Variants in EPC2 observed in about 807,000 individuals in gnomAD.
EPC2 encodes the protein enhancer of polycomb 2, also known as enhancer of polycomb homolog 2.
A neutral mutation model predicts 92.1 loss-of-function variants in EPC2; 14 were observed. The observed-to-expected ratio is 0.15, with a 90% confidence interval of 0.10 to 0.24. The LOEUF (loss-of-function observed/expected upper bound fraction) is 0.24, where lower values mean the gene tolerates loss of function less well. EPC2 is among the 10% of genes least tolerant of loss of function. The pLI is 1.00. For synonymous variants in EPC2, 340 were observed against 334.7 expected (o/e 1.02, Z -0.17); for missense variants, 755 against 971.5 (o/e 0.78, Z 2.96).
At chr2:148,672,776 A>G (rs1681181420) in intron 1 of EPC2, among the ~76,000 whole-genome samples, 1 of 152,100 alleles carries the variant, frequency 6.6e-6, no homozygotes, top group Non-Finnish European at 1.5e-5. Flanking sequence ...CTATATATTT[A>G]CTTTTACCTA....
chr2:148,756,506 C>G (rs1683193733), intron 4 of EPC2, among the ~76,000 whole-genome samples: 1 of 152,178 alleles, frequency 6.6e-6, no homozygotes, highest in South Asian at 2.1e-4. Flanking sequence ...GTAGTTGATG[C>G]AAAGGGTAAA....
chr2:148,781,914 T>C (rs1001894130), intron 11 of EPC2, 134 bp downstream of exon 11: 12 of 989,396 alleles, frequency 1.2e-5, no homozygotes, highest in Admixed American at 2.9e-5. Context: ...TGAATTTCTT[T>C]TCAGTTAATG....
chr2:148,733,479 ATTTTTTTTTTTTTT>A lies in EPC2; in HGVS notation c.314-10120_314-10107del, dbSNP rs34219179. On this transcript the variant is annotated intron_variant, in intron 2 of 13. Coordinates refer to ENST00000258484, the MANE Select transcript of EPC2 (RefSeq NM_015630.4). Reference sequence around the variant, plus strand: ...CTTTCTCTTTTCTTTCTCTCTCTGGATTTTTTTTTTTTTTTTTTTTTTTTTTTTTTTTTTTTGAT... The same window carrying A: ...CTTTCTCTTTTCTTTCTCTCTCTGGATTTTTTTTTTTTTTTTTTTTTTGAT... Among the ~76,000 whole-genome samples the A allele has an allele frequency of 3.4e-3, 92 of 26,676 alleles. 1 individual carries two copies. Among genetic ancestry groups the A allele is most frequent in the South Asian group, 0.031 (17 of 540 alleles). 17.5% of individuals were successfully genotyped at this position (26,676 alleles called of 152,430 possible).
At chr2:148,723,619 A>G (rs1001965578) in intron 2 of EPC2, among the ~76,000 whole-genome samples, 4 of 152,252 alleles carry the variant, frequency 2.6e-5, no homozygotes, top group Middle Eastern at 3.4e-3. Context: ...AGCCTTTTAT[A>G]TGTTGTTAAG....
At chr2:148,682,071 G>A (rs141390881) in intron 1 of EPC2, among the ~76,000 whole-genome samples, 3,946 of 152,218 alleles carry the variant, frequency 0.026, 57 homozygotes, top group East Asian at 0.032. Context: ...TTATGGCTGC[G>A]TAGTATTCTG....
chr2:148,721,729 T>TG (rs1682378231), intron 2 of EPC2, among the ~76,000 whole-genome samples: 1 of 134,518 alleles, frequency 7.4e-6, no homozygotes, highest in South Asian at 2.6e-4. Flanking sequence ...TTTTTTTTTT[T>TG]GCCTTGCTTT....
intron 1 of EPC2, among the ~76,000 whole-genome samples, chr2:148,671,718 T>G (rs1681158591): frequency 1.3e-5 from 2 of 152,200 alleles, no homozygotes; most frequent in Non-Finnish European, 2.9e-5. Context: ...ATTTACCTGG[T>G]AAACTTTTGT....
In EPC2 at chr2:148,769,162, A is replaced by G. The variant is rs56222730; in HGVS notation, c.1152A>G (p.Pro384=). The change falls in exon 8 of 14, where the codon CCA becomes CCG. Residue 384 remains proline (P), a synonymous_variant. Coordinates refer to ENST00000258484, the MANE Select transcript of EPC2 (RefSeq NM_015630.4). ...DEDEFPQVLS[P]VSEPEEENDP... The stretch of plus-strand genomic sequence containing the variant: ...CCTCTTTTGTCTAGGTATTGTCCCC[A>G]GTATCAGAACCGGAAGAAGAAAATG... The G allele has an allele frequency of 6.6e-4, 1,068 of 1,612,104 alleles. No individual in the cohort carries two copies. The highest frequency in any genetic ancestry group is 8.8e-4 in the Non-Finnish European group (1,041 of 1,178,948).
At chr2:148,645,393 G>T (rs545557469) in intron 1 of EPC2, 82 of 479,536 alleles carry the variant, frequency 1.7e-4, no homozygotes, top group African/African-American at 1.4e-3. Context: ...TTAGCTCGCA[G>T]CGCTGCTTAC....
At chr2:148,670,626 C>T (rs1393817105) in intron 1 of EPC2, among the ~76,000 whole-genome samples, 2 of 152,202 alleles carry the variant, frequency 1.3e-5, no homozygotes, top group East Asian at 1.9e-4. Context: ...GCATGTCAAA[C>T]GTGGTTCTAA....
At chr2:148,689,802 T>TA (rs1681608383) in intron 1 of EPC2, among the ~76,000 whole-genome samples, 1 of 152,236 alleles carries the variant, frequency 6.6e-6, no homozygotes, top group African/African-American at 2.4e-5. Context: ...TTTGTACTGT[T>TA]AAAGTTTGAA....
chr2:148,760,268 A>AAC (rs773300929), intron 4 of EPC2, among the ~76,000 whole-genome samples: 6 of 151,970 alleles, frequency 3.9e-5, no homozygotes, highest in East Asian at 1.9e-4. Context: ...CATACACACA[A>AAC]ACACACACAC....
intron 1 of EPC2, among the ~76,000 whole-genome samples, chr2:148,670,033 G>T (rs1189134260): frequency 1.3e-5 from 2 of 152,136 alleles, no homozygotes; most frequent in Non-Finnish European, 2.9e-5. Flanking sequence ...TCTCCGTGCA[G>T]TTCTTTTCCT....
chr2:148,731,169 G>C (rs920612872), intron 2 of EPC2, among the ~76,000 whole-genome samples: 1 of 152,140 alleles, frequency 6.6e-6, no homozygotes, highest in Non-Finnish European at 1.5e-5. Context: ...AGTGTTGGTT[G>C]TTACTGGATT....
intron 4 of EPC2, among the ~76,000 whole-genome samples, chr2:148,754,927 A>G (rs1370348977): frequency 7.2e-5 from 11 of 152,246 alleles, no homozygotes. Context: ...CACACACAGT[A>G]GTACCTTCTC....
In EPC2 at chr2:148,784,781, G is replaced by A. The variant is rs760629662; in HGVS notation, c.2131G>A (p.Ala711Thr). ...GHTTTNHLIPALCTSSPQTLP... is the reference protein window; with the variant it reads ...GHTTTNHLIPTLCTSSPQTLP... The stretch of plus-strand genomic sequence containing the variant: ...CACCACTACAAACCACTTAATCCCA[G>A]CATTGTGCACAAGCAGTCCTCAGAC... Residue 711 changes from alanine (A) to threonine (T), a missense_variant, in exon 13 of 14, where the codon GCA becomes ACA. By Grantham distance (58) the Ala-to-Thr change is moderately conservative. Transcript: ENST00000258484. 2 of 1,613,968 alleles carry A rather than the reference G, an allele frequency of 1.2e-6. No individual in the cohort carries two copies. The highest frequency in any genetic ancestry group is 2.2e-5 in the East Asian group (1 of 44,884).
intron 1 of EPC2, among the ~76,000 whole-genome samples, chr2:148,685,849 A>G (rs1558809148): frequency 6.6e-6 from 1 of 152,268 alleles, no homozygotes; most frequent in Non-Finnish European, 1.5e-5. Context: ...TGTCTAAAAT[A>G]TATCCATTCC....
At chr2:148,651,702 C>G (rs1298576903) in intron 1 of EPC2, among the ~76,000 whole-genome samples, 1 of 152,188 alleles carries the variant, frequency 6.6e-6, no homozygotes, top group Middle Eastern at 3.4e-3. Context: ...TTTTCTGAGC[C>G]TCAGGTTGTT....
intron 2 of EPC2, among the ~76,000 whole-genome samples, chr2:148,740,573 C>T (rs1682863596): frequency 6.6e-6 from 1 of 152,098 alleles, no homozygotes; most frequent in African/African-American, 2.4e-5. Flanking sequence ...GTTCCTTCCC[C>T]TGCCTCACAA....
Sources: allele counts gnomAD v4.1 joint callset (sites outside exome capture counted in the v4.1 genomes callset), GRCh38; gene constraint gnomAD v4.1.1; transcripts MANE v1.5; gene names NCBI Gene and HGNC (gene_info 2026-07-23, HGNC 2026-07-21).